Variants in SIPA1L1 observed in about 807,000 individuals in gnomAD.
SIPA1L1 encodes the protein signal-induced proliferation-associated 1-like protein 1.
A neutral mutation model predicts 162.7 loss-of-function variants in SIPA1L1; 26 were observed. That is an observed-to-expected ratio of 0.16 (90% CI 0.12 to 0.22). SIPA1L1 has a LOEUF of 0.22. SIPA1L1 is among the 10% of genes least tolerant of loss of function. The pLI, the probability that SIPA1L1 is intolerant of heterozygous loss-of-function variation, is 1.00. For synonymous variants in SIPA1L1, 829 were observed against 837.4 expected, an observed-to-expected ratio of 0.99 and a Z score of 0.17; for missense variants, 1,874 against 2,241.0, an observed-to-expected ratio of 0.84 and a Z score of 3.31.
At chr14:71,700,093 T>C (rs563340470) in intron 14 of SIPA1L1, among the ~76,000 whole-genome samples, 13 of 152,042 alleles carry the variant, frequency 8.6e-5, no homozygotes, top group South Asian at 4.1e-4. Flanking sequence ...ACATGAGAAA[T>C]GAAATTAAAA....
intron 2 of SIPA1L1, among the ~76,000 whole-genome samples, chr14:71,348,884 T>G (rs983762049): frequency 6.6e-6 from 1 of 152,196 alleles, no homozygotes; most frequent in Non-Finnish European, 1.5e-5. Context: ...CTGAAATGGA[T>G]TCTTCCCCAG....
At chr14:71,491,120 C>T (rs1276589902) in intron 2 of SIPA1L1, among the ~76,000 whole-genome samples, 1 of 152,134 alleles carries the variant, frequency 6.6e-6, no homozygotes, top group African/African-American at 2.4e-5. Context: ...TTAAATTCAC[C>T]TATTAATATA....
intron 2 of SIPA1L1, among the ~76,000 whole-genome samples, chr14:71,477,708 A>G (rs2047994659): frequency 6.6e-6 from 1 of 152,114 alleles, no homozygotes; most frequent in Non-Finnish European, 1.5e-5. Context: ...ATAGCTGAGT[A>G]GATCCCTTTA....
intron 4 of SIPA1L1, among the ~76,000 whole-genome samples, chr14:71,536,529 C>G (rs2145585021): frequency 6.6e-6 from 1 of 152,276 alleles, no homozygotes; most frequent in South Asian, 2.1e-4. Flanking sequence ...TGGTATCATT[C>G]AGTTTTGGAA....
At chr14:71,683,551 G>A (rs1490335939) in intron 12 of SIPA1L1, among the ~76,000 whole-genome samples, 2 of 152,078 alleles carry the variant, frequency 1.3e-5, no homozygotes, top group African/African-American at 2.4e-5. Flanking sequence ...AGTCAGAAAC[G>A]AAAGGCTGTA....
At chr14:71,529,402 C>G (rs748268146) in intron 4 of SIPA1L1, 32 bp downstream of exon 4, 1 of 595,872 alleles carries the variant, frequency 1.7e-6, no homozygotes. Context: ...CTATGACCTA[C>G]CTGCTTTACA....
rs150184991 is a variant in SIPA1L1 at position 71,381,824 on chromosome 14, T to C, written c.-465+60643T>C. Among the ~76,000 whole-genome samples the C allele has an allele frequency of 1.4e-3, 220 of 152,324 alleles. 1 individual carries two copies. Among genetic ancestry groups the C allele is most frequent in the Non-Finnish European group, 2.6e-3 (180 of 68,026 alleles). On this transcript the variant is annotated intron_variant, in intron 2 of 23. Coordinates refer to ENST00000381232, the MANE Select transcript of SIPA1L1 (RefSeq NM_001386936.1). ...CTCTTCTCTGTGAATATATTTCTGG[T>C]ATGATAACCTTACTATCTTTCTATG...
intron 4 of SIPA1L1, chr14:71,573,936 T>C (rs1377706646): frequency 1.9e-5 from 6 of 321,788 alleles, no homozygotes; most frequent in Admixed American, 4.6e-5. Flanking sequence ...GTTCAACATA[T>C]TCTTTCTTTA....
At chr14:71,403,080 A>G (rs762553180) in intron 2 of SIPA1L1, among the ~76,000 whole-genome samples, 7 of 152,174 alleles carry the variant, frequency 4.6e-5, no homozygotes, top group African/African-American at 7.2e-5. Flanking sequence ...ATGTGCCCCT[A>G]TTAATGCCAC....
At chr14:71,606,562 C>G (rs1037193802) in intron 5 of SIPA1L1, among the ~76,000 whole-genome samples, 3 of 152,136 alleles carry the variant, frequency 2.0e-5, no homozygotes, top group African/African-American at 7.2e-5. Flanking sequence ...GTCCTGAGCA[C>G]TGCCCTGGCA....
At chr14:71,667,579 G>A (rs2044138196) in intron 10 of SIPA1L1, among the ~76,000 whole-genome samples, 2 of 152,158 alleles carry the variant, frequency 1.3e-5, no homozygotes, top group Non-Finnish European at 2.9e-5. Context: ...CTGCTTTCTT[G>A]GAAGCTGCCC....
At chr14:71,694,003 G>A (rs542983298) in intron 13 of SIPA1L1, among the ~76,000 whole-genome samples, 1 of 152,260 alleles carries the variant, frequency 6.6e-6, no homozygotes, top group South Asian at 2.1e-4. Context: ...GTAAGAAATA[G>A]AATAGAGATT....
At chr14:71,706,720 G>A (rs2082463890) in intron 16 of SIPA1L1, among the ~76,000 whole-genome samples, 1 of 152,134 alleles carries the variant, frequency 6.6e-6, no homozygotes, top group Non-Finnish European at 1.5e-5. Flanking sequence ...TTTTCAAGGG[G>A]AAGAGATGTT....
chr14:71,731,130 A>G (rs1267754949), intron 20 of SIPA1L1, among the ~76,000 whole-genome samples: 1 of 152,054 alleles, frequency 6.6e-6, no homozygotes, highest in Non-Finnish European at 1.5e-5. Flanking sequence ...TCCAGTGTCC[A>G]TTCATACCCA....
chr14:71,378,031 C>T (rs985337096), intron 2 of SIPA1L1, among the ~76,000 whole-genome samples: 3 of 151,736 alleles, frequency 2.0e-5, no homozygotes, highest in South Asian at 4.2e-4. Flanking sequence ...GAGAGCTAAT[C>T]TTCTTAAATG....
Position 71,650,386 on chromosome 14 carries a change from A to G in SIPA1L1, c.1870A>G (p.Thr624Ala). The stretch of plus-strand genomic sequence containing the variant: ...CATGTACTGCAAAGCTGGACAGAGC[A>G]CTGAAGAAGAGATGTACAACAATGA... ...GIMYCKAGQSTEEEMYNNESA... is the reference protein window; with the variant it reads ...GIMYCKAGQSAEEEMYNNESA... The change falls in exon 8 of 24, where the codon ACT becomes GCT. Residue 624 changes from threonine to alanine, a missense_variant. Thr to Ala is a moderately conservative substitution (Grantham distance 58). This residue lies in a region of SIPA1L1 where 685 missense variants were observed against 828.0 expected (regional missense o/e 0.83). Transcript: ENST00000381232. 1.2e-6 allele frequency: 2 copies of G among 1,614,244 alleles called. No individual in the cohort carries two copies. Among genetic ancestry groups the G allele is most frequent in the South Asian group, 1.1e-5 (1 of 91,086 alleles).
intron 2 of SIPA1L1, among the ~76,000 whole-genome samples, chr14:71,462,681 T>C (rs759490033): frequency 6.6e-6 from 1 of 152,198 alleles, no homozygotes; most frequent in Non-Finnish European, 1.5e-5. Flanking sequence ...TCCTCTGGCA[T>C]GCAAATATCT....
intron 7 of SIPA1L1, among the ~76,000 whole-genome samples, chr14:71,643,194 T>G (rs991855800): frequency 2.6e-5 from 4 of 152,130 alleles, no homozygotes; most frequent in Non-Finnish European, 1.5e-5. Context: ...CATAATCAAA[T>G]TGTTTCAAAC....
intron 3 of SIPA1L1, among the ~76,000 whole-genome samples, chr14:71,525,596 A>G (rs950117005): frequency 6.6e-6 from 1 of 152,234 alleles, no homozygotes; most frequent in Non-Finnish European, 1.5e-5. Context: ...ATGTGAAAAC[A>G]TGTCAGCTTT....
Sources: allele counts gnomAD v4.1 joint callset (sites outside exome capture counted in the v4.1 genomes callset), GRCh38; gene constraint gnomAD v4.1.1; regional missense constraint gnomAD v4.1.1; transcripts MANE v1.5; gene names NCBI Gene and HGNC (gene_info 2026-07-23, HGNC 2026-07-21).